SRBD1: variants seen among roughly 807,000 people sequenced by gnomAD.
SRBD1 encodes S1 RNA binding domain 1, also known as S1 RNA-binding domain-containing protein 1.
Under a neutral mutation model 115.3 loss-of-function variants are expected in SRBD1, and 88 were observed. The observed-to-expected ratio is 0.76, with a 90% confidence interval of 0.64 to 0.91. The LOEUF (loss-of-function observed/expected upper bound fraction) is 0.91, where lower values mean the gene tolerates loss of function less well. Among genes scored for constraint, SRBD1 ranks in the 40% least tolerant of loss-of-function variants. The pLI is 0.00. For missense variants in SRBD1, 1,385 were observed against 1,177.4 expected (o/e 1.18, Z -2.58); for synonymous variants, 509 against 407.7 (o/e 1.25, Z -2.99).
chr2:45,450,273 T>C (rs1432119393), intron 16 of SRBD1, among the ~76,000 whole-genome samples: 2 of 152,196 alleles, frequency 1.3e-5, no homozygotes, highest in Admixed American at 6.5e-5. Flanking sequence ...AGATAGCGAA[T>C]TCAAAGTTCC....
At chr2:45,524,649 C>T (rs1368432671) in intron 14 of SRBD1, among the ~76,000 whole-genome samples, 1 of 151,912 alleles carries the variant, frequency 6.6e-6, no homozygotes, top group East Asian at 1.9e-4. Flanking sequence ...TAAGGAAGAT[C>T]TAAATAAGTG....
intron 1 of SRBD1, among the ~76,000 whole-genome samples, chr2:45,609,157 G>A (rs1365776040): frequency 6.6e-6 from 1 of 152,062 alleles, no homozygotes; most frequent in East Asian, 1.9e-4. Context: ...GCAATACACT[G>A]CACATGTTTA....
chr2:45,571,959 A>G (rs573113814), intron 9 of SRBD1, among the ~76,000 whole-genome samples: 1 of 152,152 alleles, frequency 6.6e-6, no homozygotes, highest in East Asian at 1.9e-4. Context: ...CGCAGAAAGG[A>G]TATTTTTTAA....
At chr2:45,409,953 A>T (rs1667549437) in intron 19 of SRBD1, among the ~76,000 whole-genome samples, 1 of 152,200 alleles carries the variant, frequency 6.6e-6, no homozygotes. Flanking sequence ...TCTCTAAAAA[A>T]ATAGAGGTAA....
At chr2:45,493,394 G>C (rs1308214439) in intron 14 of SRBD1, among the ~76,000 whole-genome samples, 1 of 152,216 alleles carries the variant, frequency 6.6e-6, no homozygotes, top group Non-Finnish European at 1.5e-5. Flanking sequence ...GGGGCTCTGA[G>C]ATTTAATGCT....
At position 45,419,904 on chromosome 2, in the gene SRBD1, CA is replaced by C; in HGVS notation, c.2050-11del. On this transcript the variant is annotated splice_polypyrimidine_tract_variant and intron_variant, in intron 16 of 20. Coordinates refer to ENST00000263736, the MANE Select transcript of SRBD1 (RefSeq NM_018079.5). ...TCTGGGATACGTCATGCTGAAAAGACAAAGATCAAATATTAACAGTGAAGGA... is the reference window on the plus strand; with the variant it reads ...TCTGGGATACGTCATGCTGAAAAGACAAGATCAAATATTAACAGTGAAGGA... 6.2e-7 allele frequency: 1 copy of C among 1,608,134 alleles called. No individual in the cohort carries two copies.
chr2:45,442,595 G>A (rs1004686010), intron 16 of SRBD1, among the ~76,000 whole-genome samples: 4 of 152,106 alleles, frequency 2.6e-5, no homozygotes, highest in East Asian at 1.9e-4. Context: ...AGAATCCTAC[G>A]GTATAGGAAC....
chr2:45,534,863 A>G (rs896801621), intron 14 of SRBD1, among the ~76,000 whole-genome samples: 13 of 151,952 alleles, frequency 8.6e-5, no homozygotes, highest in Non-Finnish European at 1.5e-4. Context: ...CAAAAGAAAA[A>G]GGTCCAGGTG....
At chr2:45,513,979 A>T (rs1196808495) in intron 14 of SRBD1, among the ~76,000 whole-genome samples, 1 of 152,132 alleles carries the variant, frequency 6.6e-6, no homozygotes, top group Non-Finnish European at 1.5e-5. Context: ...GATGATTTGG[A>T]CTTAAGTCCA....
intron 16 of SRBD1, among the ~76,000 whole-genome samples, chr2:45,445,273 A>G (rs1018302736): frequency 6.6e-6 from 1 of 152,140 alleles, no homozygotes; most frequent in Non-Finnish European, 1.5e-5. Flanking sequence ...CATTAACATT[A>G]TTGATGCAGA....
intron 4 of SRBD1, among the ~76,000 whole-genome samples, chr2:45,590,891 C>A (rs1025616110): frequency 1.3e-5 from 2 of 152,044 alleles, no homozygotes; most frequent in African/African-American, 4.8e-5. Context: ...GTGGTATGCG[C>A]CTGTAATCCC....
intron 19 of SRBD1, among the ~76,000 whole-genome samples, chr2:45,406,394 G>A (rs929403067): frequency 2.6e-5 from 4 of 152,164 alleles, no homozygotes; most frequent in Admixed American, 2.6e-4. Flanking sequence ...AGAATAGAAT[G>A]GCTTCAAAGA....
intron 1 of SRBD1, among the ~76,000 whole-genome samples, chr2:45,610,699 G>C (rs186134860): frequency 2.0e-5 from 3 of 152,296 alleles, no homozygotes; most frequent in Admixed American, 2.0e-4. Context: ...AGTTGATTCA[G>C]ACAGGGCCAC....
rs746240846 is a variant in SRBD1 at position 45,413,114 on chromosome 2, C to T, written c.2513G>A (p.Arg838Lys). 1.2e-6 allele frequency: 2 copies of T among 1,612,820 alleles called. No homozygotes were observed. The highest frequency in any genetic ancestry group is 1.7e-5 in the Admixed American group (1 of 59,786). ...ATTCCCACATGGGCCTCAGACTTACCTCATTGCTATGTCATATGATTCTGG... is the reference window on the plus strand; with the variant it reads ...ATTCCCACATGGGCCTCAGACTTACTTCATTGCTATGTCATATGATTCTGG... The part of the protein sequence containing the change: ...IHPESYDIAM[R>K]FLSSIGGTLY... The change falls in exon 19 of 21, where the codon AGG becomes AAG. Residue 838 changes from arginine (R) to lysine (K), a missense_variant and splice_region_variant. Arg to Lys is a conservative substitution (Grantham distance 26). Coordinates refer to ENST00000263736, the MANE Select transcript of SRBD1 (RefSeq NM_018079.5).
At chr2:45,496,440 GA>G in intron 14 of SRBD1, among the ~76,000 whole-genome samples, 2 of 151,116 alleles carry the variant, frequency 1.3e-5, no homozygotes, top group African/African-American at 4.9e-5. Flanking sequence ...TAAACAAACA[GA>G]AAAAAAGCAA....
At chr2:45,504,198 T>C (rs954356659) in intron 14 of SRBD1, among the ~76,000 whole-genome samples, 1 of 149,496 alleles carries the variant, frequency 6.7e-6, no homozygotes, top group African/African-American at 2.5e-5. Flanking sequence ...ACCCTATAAG[T>C]TACAAGCCTG....
At chr2:45,432,284 C>T (rs1246383846) in intron 16 of SRBD1, among the ~76,000 whole-genome samples, 1 of 152,150 alleles carries the variant, frequency 6.6e-6, no homozygotes, top group East Asian at 1.9e-4. Context: ...CCACCTCAGC[C>T]TCCCAAAGTG....
At chr2:45,546,278 A>T (rs936655576) in intron 14 of SRBD1, 19 of 985,326 alleles carry the variant, frequency 1.9e-5, no homozygotes, top group Non-Finnish European at 2.2e-5. Context: ...ATAAATGAGG[A>T]AAGAATACTG....
At chr2:45,567,273 A>G (rs1672858968) in intron 9 of SRBD1, among the ~76,000 whole-genome samples, 1 of 152,196 alleles carries the variant, frequency 6.6e-6, no homozygotes, top group Non-Finnish European at 1.5e-5. Flanking sequence ...TACTTGAGAA[A>G]TTTCTAAAGT....
Sources: gnomAD v4.1 joint callset for allele counts (sites outside exome capture counted in the v4.1 genomes callset) on GRCh38, gnomAD v4.1.1 for gene constraint, MANE v1.5 for transcripts, NCBI Gene and HGNC (gene_info 2026-07-23, HGNC 2026-07-21) for gene names.